AGMO: variants seen among roughly 807,000 people sequenced by gnomAD.
AGMO encodes glyceryl-ether monooxygenase.
AGMO carries 75 observed loss-of-function variants against 60.2 expected under a neutral mutation model. The ratio of observed to expected loss-of-function variants is 1.25; its 90% CI spans 1.03 to 1.51. AGMO has a LOEUF of 1.51. Among genes scored for constraint, AGMO ranks in the 40% most tolerant of loss-of-function variants. The pLI is 0.00. For synonymous variants in AGMO, 261 were observed against 177.1 expected (o/e 1.47, Z -3.76); for missense variants, 763 against 525.5 (o/e 1.45, Z -4.42).
At chr7:15,247,451 C>CAGAGAGAGAGAG (rs1368429253) in intron 12 of AGMO, among the ~76,000 whole-genome samples, 1 of 119,646 alleles carries the variant, frequency 8.4e-6, no homozygotes, top group East Asian at 2.4e-4. Context: ...CACACACACA[C>CAGAGAGAGAGAG]ACACACACAG....
intron 5 of AGMO, among the ~76,000 whole-genome samples, chr7:15,406,553 T>G: frequency 1.2e-5 from 1 of 80,766 alleles, no homozygotes; most frequent in Non-Finnish European, 2.5e-5. Flanking sequence ...GCCCCTTTGT[T>G]TGGAATACAC....
At chr7:15,478,667 G>T (rs1451041930) in intron 3 of AGMO, among the ~76,000 whole-genome samples, 10 of 152,072 alleles carry the variant, frequency 6.6e-5, no homozygotes, top group African/African-American at 2.4e-4. Context: ...AACCTCAGAC[G>T]CTGGCCATGT....
chr7:15,211,277 C>A (rs1468767620), intron 12 of AGMO, among the ~76,000 whole-genome samples: 1 of 151,826 alleles, frequency 6.6e-6, no homozygotes, highest in Non-Finnish European at 1.5e-5. Flanking sequence ...TGCTACTATT[C>A]TTGCTTAAAA....
At chr7:15,366,857 G>T (rs968048485) in intron 10 of AGMO, among the ~76,000 whole-genome samples, 14 of 151,976 alleles carry the variant, frequency 9.2e-5, no homozygotes, top group Non-Finnish European at 1.6e-4. Flanking sequence ...TGAGCCAAGG[G>T]AAAGAATGAG....
the AGMO span, among the ~76,000 whole-genome samples, chr7:15,145,396 T>C: frequency 6.6e-6 from 1 of 152,030 alleles, no homozygotes. Flanking sequence ...ATGAATACAA[T>C]AAAACTAAAT....
the AGMO span, among the ~76,000 whole-genome samples, chr7:15,174,750 G>A: frequency 7.6e-6 from 1 of 130,900 alleles, no homozygotes; most frequent in Admixed American, 7.8e-5. Flanking sequence ...TTAAATAAAT[G>A]TGGAAAAAGA....
At chr7:15,406,350 A>G (rs1455564885) in intron 5 of AGMO, among the ~76,000 whole-genome samples, 5 of 145,474 alleles carry the variant, frequency 3.4e-5, no homozygotes, top group African/African-American at 7.7e-5. Context: ...ATATATGTGT[A>G]TATATATGTA....
intron 12 of AGMO, among the ~76,000 whole-genome samples, chr7:15,332,379 T>TAA (rs1485181824): frequency 6.6e-6 from 1 of 152,160 alleles, no homozygotes; most frequent in Non-Finnish European, 1.5e-5. Context: ...ACATGGAGAC[T>TAA]AAAGGTCTGT....
At chr7:15,222,727 T>A (rs987504459) in intron 12 of AGMO, among the ~76,000 whole-genome samples, 3 of 152,010 alleles carry the variant, frequency 2.0e-5, no homozygotes, top group Admixed American at 2.0e-4. Context: ...ATTTTCCACA[T>A]ATATTTTTCC....
At position 15,383,070 on chromosome 7, in the gene AGMO, T is replaced by C. The variant is rs140922510; in HGVS notation, c.1074+2376A>G. Among the ~76,000 whole-genome samples, 9 of 152,108 alleles carry C rather than the reference T, an allele frequency of 5.9e-5. No individual in the cohort carries two copies. The East Asian group carries it at 1.6e-3, about 26-fold the overall frequency. On this transcript the variant is annotated intron_variant, in intron 10 of 12. Coordinates refer to ENST00000342526, the MANE Select transcript of AGMO (RefSeq NM_001004320.2). ...CTGTGTAGTTGACCCTGCCCTCCCA[T>C]TCGTAGGCTGGGTACATAATCTAGG...
At chr7:15,192,278 T>G in the AGMO span, among the ~76,000 whole-genome samples, 1 of 147,104 alleles carries the variant, frequency 6.8e-6, no homozygotes, top group Non-Finnish European at 1.5e-5. Context: ...CCACATCCTG[T>G]ACCCATAAAA....
chr7:15,389,260 A>G (rs1287806133), intron 8 of AGMO, among the ~76,000 whole-genome samples: 1 of 152,022 alleles, frequency 6.6e-6, no homozygotes, highest in East Asian at 1.9e-4. Context: ...ATTCACATGA[A>G]CATTAAGTTT....
At chr7:15,444,451 A>T (rs10232936) in intron 3 of AGMO, among the ~76,000 whole-genome samples, 65,773 of 151,864 alleles carry the variant, frequency 0.43, 14,571 homozygotes, top group Non-Finnish European at 0.48. Context: ...TCATTGTTAA[A>T]GTCACTTGAA....
chr7:15,356,750 A>G (rs1246696767), intron 12 of AGMO, among the ~76,000 whole-genome samples: 2 of 151,840 alleles, frequency 1.3e-5, no homozygotes, highest in African/African-American at 2.4e-5. Context: ...AAAAAATGTG[A>G]TTAAAAATAT....
At chr7:15,395,734 T>A (rs1055658610) in intron 5 of AGMO, among the ~76,000 whole-genome samples, 10 of 152,254 alleles carry the variant, frequency 6.6e-5, no homozygotes, top group Non-Finnish European at 1.3e-4. Context: ...AAATTTAAAC[T>A]GCTAGTAATG....
chr7:15,458,433 TA>T (rs1335249569), intron 3 of AGMO, among the ~76,000 whole-genome samples: 1 of 152,186 alleles, frequency 6.6e-6, no homozygotes, highest in Non-Finnish European at 1.5e-5. Flanking sequence ...CTTGCTTTCA[TA>T]GGAAAGGAAT....
intron 12 of AGMO, among the ~76,000 whole-genome samples, chr7:15,222,612 C>T (rs573970808): frequency 1.3e-5 from 2 of 152,096 alleles, no homozygotes; most frequent in South Asian, 4.1e-4. Context: ...AACCTATCCT[C>T]TTCATTTGTT....
chr7:15,185,557 G>A, the AGMO span, among the ~76,000 whole-genome samples: 2 of 152,262 alleles, frequency 1.3e-5, no homozygotes, highest in South Asian at 2.1e-4. Flanking sequence ...GAAAAACTAC[G>A]GGGCTTCTGT....
the AGMO span, among the ~76,000 whole-genome samples, chr7:15,186,859 G>C: frequency 6.6e-6 from 1 of 152,060 alleles, no homozygotes; most frequent in Admixed American, 6.6e-5. Context: ...CCACACAGTG[G>C]AAACATTCCC....
Sources: allele counts gnomAD v4.1 joint callset (sites outside exome capture counted in the v4.1 genomes callset), GRCh38; gene constraint gnomAD v4.1.1; transcripts MANE v1.5; gene names NCBI Gene and HGNC (gene_info 2026-07-23, HGNC 2026-07-21).